Variants in KCNK13 observed in about 807,000 individuals in gnomAD.
KCNK13 encodes potassium channel subfamily K member 13.
Under a neutral mutation model 23.4 loss-of-function variants are expected in KCNK13, and 12 were observed. The ratio of observed to expected loss-of-function variants is 0.51; its 90% CI spans 0.33 to 0.83. KCNK13 has a LOEUF of 0.83. Ranked by LOEUF, KCNK13 falls within the 40% of genes least tolerant of loss-of-function variation. The pLI is 0.02. For missense variants in KCNK13, 463 were observed against 556.3 expected, an observed-to-expected ratio of 0.83 and a Z score of 1.69; for synonymous variants, 231 against 229.5, an observed-to-expected ratio of 1.01 and a Z score of -0.06.
chr14:90,176,606 C>T (rs1488897953), intron 1 of KCNK13, among the ~76,000 whole-genome samples: 2 of 152,158 alleles, frequency 1.3e-5, no homozygotes, highest in Non-Finnish European at 2.9e-5. Flanking sequence ...ATATGCAAGT[C>T]AAGCTTTGGT....
chr14:90,088,290 C>T (rs72629396), intron 1 of KCNK13, among the ~76,000 whole-genome samples: 20,194 of 152,002 alleles, frequency 0.13, 1,630 homozygotes, highest in South Asian at 0.26. Flanking sequence ...ATTAGGTCCA[C>T]AGATGTTGAT....
intron 1 of KCNK13, among the ~76,000 whole-genome samples, chr14:90,096,957 G>A (rs1566950812): frequency 6.6e-6 from 1 of 152,130 alleles, no homozygotes; most frequent in Non-Finnish European, 1.5e-5. Context: ...CAAATATGGG[G>A]GTCAGGTGTT....
chr14:90,173,904 G>C (rs1002963391), intron 1 of KCNK13, among the ~76,000 whole-genome samples: 3 of 152,324 alleles, frequency 2.0e-5, no homozygotes, highest in Admixed American at 2.0e-4. Context: ...AGTTCTGCAT[G>C]GCTGAGAAGG....
Position 90,062,043 on chromosome 14 carries a change from G to A in KCNK13, c.-163G>A, listed in dbSNP as rs1888946469. ...AGGAGCTACCGAGGCGGCGGCCGGG[G>A]GAGCCTCGCGGCCTGCGGGAGAGCC... On this transcript the variant is annotated 5_prime_UTR_variant, in exon 1 of 2. Transcript: ENST00000282146. The surrounding 1 kb of genome is among the most constrained non-coding windows in gnomAD (Gnocchi z 4.5). 9.4e-6 allele frequency: 4 copies of A among 424,318 alleles called. No individual in the cohort carries two copies. Among genetic ancestry groups the A allele is most frequent in the Middle Eastern group, 6.2e-4 (1 of 1,612 alleles). 26.3% of individuals were successfully genotyped at this position (424,318 alleles called of 1,614,324 possible).
chr14:90,112,550 G>C lies in KCNK13; in HGVS notation c.334+50011G>C, dbSNP rs1889628312. 1.3e-5 allele frequency among the ~76,000 whole-genome samples: 2 copies of C among 152,106 alleles called. 1 individual carries two copies. The highest frequency in any genetic ancestry group is 4.1e-4 in the South Asian group (2 of 4,822). ...AAAAGGAAATATAATAGTTAAAATT[G>C]CAAGTGATAAAAAAATTGTTGCAAA... On this transcript the variant is annotated intron_variant, in intron 1 of 1. Coordinates refer to ENST00000282146, the MANE Select transcript of KCNK13 (RefSeq NM_022054.4).
chr14:90,145,456 G>T (rs1475848017), intron 1 of KCNK13, among the ~76,000 whole-genome samples: 3 of 152,096 alleles, frequency 2.0e-5, no homozygotes, highest in Non-Finnish European at 2.9e-5. Context: ...TAATTATGAT[G>T]TATTATCATT....
chr14:90,179,412 T>C (rs1380163261), intron 1 of KCNK13, among the ~76,000 whole-genome samples: 1 of 152,172 alleles, frequency 6.6e-6, no homozygotes, highest in Non-Finnish European at 1.5e-5. Flanking sequence ...GGGCCTGCTC[T>C]TCATGGGCTG....
intron 1 of KCNK13, among the ~76,000 whole-genome samples, chr14:90,156,290 A>G (rs1248623343): frequency 6.6e-6 from 1 of 152,000 alleles, no homozygotes; most frequent in Admixed American, 6.6e-5. Flanking sequence ...GAACGAACAG[A>G]GAGAGTGGAG....
At chr14:90,153,660 T>C (rs1489439628) in intron 1 of KCNK13, among the ~76,000 whole-genome samples, 1 of 152,314 alleles carries the variant, frequency 6.6e-6, no homozygotes, top group East Asian at 1.9e-4. Context: ...ATGGATGAAG[T>C]TTCCATTTAT....
In KCNK13 at chr14:90,078,993, C is replaced by T. The variant is rs187259399; in HGVS notation, c.334+16454C>T. On this transcript the variant is annotated intron_variant, in intron 1 of 1. Coordinates refer to ENST00000282146, the MANE Select transcript of KCNK13 (RefSeq NM_022054.4). ...AGTAGCGAAAGCACACAGGGTTTTA[C>T]TCTATCCCGTAGAAGAGGTCTGCCC... Among the ~76,000 whole-genome samples, 861 of 152,328 alleles carry T rather than the reference C, an allele frequency of 5.7e-3. 6 individuals are homozygous for T. Among genetic ancestry groups the T allele is most frequent in the African/African-American group, 0.02 (819 of 41,570 alleles).
intron 1 of KCNK13, among the ~76,000 whole-genome samples, chr14:90,072,466 G>A (rs929801488): frequency 6.6e-6 from 1 of 152,160 alleles, no homozygotes; most frequent in African/African-American, 2.4e-5. Flanking sequence ...CTGGCCAGAC[G>A]GGTCTGATGG....
At chr14:90,176,521 T>C (rs1890423753) in intron 1 of KCNK13, among the ~76,000 whole-genome samples, 1 of 151,876 alleles carries the variant, frequency 6.6e-6, no homozygotes, top group South Asian at 2.1e-4. Context: ...AAAAAAAAAG[T>C]CTGCCAATTC....
At chr14:90,172,200 C>T (rs1026901675) in intron 1 of KCNK13, among the ~76,000 whole-genome samples, 9 of 151,876 alleles carry the variant, frequency 5.9e-5, no homozygotes, top group African/African-American at 2.2e-4. Context: ...GCCTGTAATC[C>T]CAGCTACATG....
At chr14:90,070,276 G>A (rs1889058526) in intron 1 of KCNK13, among the ~76,000 whole-genome samples, 1 of 152,184 alleles carries the variant, frequency 6.6e-6, no homozygotes, top group Non-Finnish European at 1.5e-5. Flanking sequence ...TATAACATGA[G>A]CAGATTGTTG....
At chr14:90,071,372 CTT>C (rs1001065907) in intron 1 of KCNK13, among the ~76,000 whole-genome samples, 2 of 152,140 alleles carry the variant, frequency 1.3e-5, no homozygotes, top group African/African-American at 4.8e-5. Context: ...AAACTTCTTC[CTT>C]TTCTCCTCTC....
At chr14:90,130,769 G>T (rs896283834) in intron 1 of KCNK13, among the ~76,000 whole-genome samples, 2 of 152,062 alleles carry the variant, frequency 1.3e-5, no homozygotes, top group Admixed American at 1.3e-4. Context: ...AGCCGAGATC[G>T]CACCACTGCA....
chr14:90,086,397 G>GTA (rs1193954964), intron 1 of KCNK13, among the ~76,000 whole-genome samples: 1 of 152,172 alleles, frequency 6.6e-6, no homozygotes, highest in Non-Finnish European at 1.5e-5. Flanking sequence ...CACACAGCTA[G>GTA]TAGGTGGTAA....
chr14:90,136,145 G>A (rs977216305), intron 1 of KCNK13, among the ~76,000 whole-genome samples: 2 of 152,078 alleles, frequency 1.3e-5, no homozygotes, highest in African/African-American at 4.8e-5. Context: ...GTGGATGACA[G>A]CAGATGGGAC....
chr14:90,174,488 C>T (rs1161712884), intron 1 of KCNK13, among the ~76,000 whole-genome samples: 3 of 152,052 alleles, frequency 2.0e-5, no homozygotes, highest in Non-Finnish European at 4.4e-5. Context: ...GACTCAGAGC[C>T]AAACCATATC....
Sources: allele counts gnomAD v4.1 joint callset (sites outside exome capture counted in the v4.1 genomes callset), GRCh38; gene constraint gnomAD v4.1.1; non-coding constraint Gnocchi (gnomAD v3.1); transcripts MANE v1.5; gene names NCBI Gene and HGNC (gene_info 2026-07-23, HGNC 2026-07-21).